ZNF407: variants seen among roughly 807,000 people sequenced by gnomAD.
The protein encoded by ZNF407 is zinc finger protein 407.
Under a neutral mutation model 131.2 loss-of-function variants are expected in ZNF407, and 17 were observed. The observed-to-expected ratio is 0.13, with a 90% CI of 0.09 to 0.19. The LOEUF (loss-of-function observed/expected upper bound fraction) is 0.19, where lower values mean the gene tolerates loss of function less well. Ranked by LOEUF, ZNF407 falls within the 10% of genes least tolerant of loss-of-function variation. ZNF407 has a pLI of 1.00. For synonymous variants in ZNF407, 1,156 were observed against 1,062.0 expected, an observed-to-expected ratio of 1.09 and a Z score of -1.72; for missense variants, 2,681 against 2,830.6, an observed-to-expected ratio of 0.95 and a Z score of 1.20.
chr18:74,674,964 CTT>C (rs1986297158), intron 3 of ZNF407, among the ~76,000 whole-genome samples: 1 of 152,168 alleles, frequency 6.6e-6, no homozygotes, highest in Non-Finnish European at 1.5e-5. Context: ...GGGCACCAGA[CTT>C]GTGCATTTTA....
chr18:74,658,772 G>A (rs1020738313), intron 3 of ZNF407, among the ~76,000 whole-genome samples: 24 of 152,026 alleles, frequency 1.6e-4, no homozygotes, highest in Non-Finnish European at 3.4e-4. Context: ...TTGATGTTAC[G>A]TGATTTTTTG....
At position 74,949,783 on chromosome 18, in the gene ZNF407, G is replaced by A. The variant is rs549674652; in HGVS notation, c.5428+29091G>A. 5.3e-5 allele frequency among the ~76,000 whole-genome samples: 8 copies of A among 152,260 alleles called. No individual in the cohort carries two copies. In the South Asian group the frequency reaches 1.2e-3, roughly 24 times the overall value. ...TGAATAGATGGCATGACTCTGCCGA[G>A]GTGCCACAGTCTCCAGACCTCTCTG... On this transcript the variant is annotated intron_variant, in intron 8 of 8. Coordinates refer to ENST00000299687, the MANE Select transcript of ZNF407 (RefSeq NM_017757.3).
At chr18:74,846,264 C>A (rs1166929088) in intron 4 of ZNF407, among the ~76,000 whole-genome samples, 2 of 152,048 alleles carry the variant, frequency 1.3e-5, no homozygotes, top group Non-Finnish European at 2.9e-5. Context: ...CTTAAAGTAG[C>A]ATCAGTTCAT....
At position 74,753,653 on chromosome 18, in the gene ZNF407, C is replaced by T. The variant is rs926399902; in HGVS notation, c.4803-27775C>T. Among the ~76,000 whole-genome samples, 20 of 152,232 alleles carry T rather than the reference C, an allele frequency of 1.3e-4. No individual in the cohort carries two copies. The East Asian group carries it at 2.1e-3, about 16-fold the overall frequency. On this transcript the variant is annotated intron_variant, in intron 3 of 8. Coordinates refer to ENST00000299687, the MANE Select transcript of ZNF407 (RefSeq NM_017757.3). ...TTGGTTCTGTTTATATGATGGATTA[C>T]GTTTATTGATTTGTGTATGTTGAAC...
chr18:74,926,959 C>A (rs1318844493), intron 8 of ZNF407, among the ~76,000 whole-genome samples: 1 of 152,210 alleles, frequency 6.6e-6, no homozygotes, highest in East Asian at 1.9e-4. Context: ...CATCCTCCTG[C>A]AAGAGGGTGA....
At chr18:74,733,914 C>T (rs1968349893) in intron 3 of ZNF407, among the ~76,000 whole-genome samples, 1 of 152,174 alleles carries the variant, frequency 6.6e-6, no homozygotes, top group South Asian at 2.1e-4. Context: ...AGTCAAGCAA[C>T]TGCTCGTTGC....
chr18:74,673,317 A>G (rs1986225648), intron 3 of ZNF407, among the ~76,000 whole-genome samples: 1 of 152,138 alleles, frequency 6.6e-6, no homozygotes, highest in Non-Finnish European at 1.5e-5. Flanking sequence ...GCGTCAACAG[A>G]GTTGGTTTCT....
chr18:75,048,222 A>G lies in ZNF407; in HGVS notation c.5429-14928A>G, dbSNP rs753161418. Among the ~76,000 whole-genome samples, 5 of 152,094 alleles carry G rather than the reference A, an allele frequency of 3.3e-5. No individual in the cohort carries two copies. Among genetic ancestry groups the G allele is most frequent in the African/African-American group, 1.2e-4 (5 of 41,416 alleles). ...ACAGACACCGCCCTTTTTGCTCTCA[A>G]TGGTATTCTGATTTCACTGATTAAT... is the stretch of plus-strand genomic sequence containing the variant. On this transcript the variant is annotated intron_variant, in intron 8 of 8. Transcript: ENST00000299687. This position sits in a 1 kb window ranked among gnomAD's most constrained non-coding sequence, Gnocchi z 4.1.
At chr18:74,753,039 C>G (rs960551120) in intron 3 of ZNF407, among the ~76,000 whole-genome samples, 8 of 152,136 alleles carry the variant, frequency 5.3e-5, no homozygotes, top group Admixed American at 1.3e-4. Flanking sequence ...TTTGTGTCCT[C>G]TTTTATTTCG....
chr18:75,040,632 G>A (rs1973361810), intron 8 of ZNF407, among the ~76,000 whole-genome samples: 1 of 152,192 alleles, frequency 6.6e-6, no homozygotes, highest in Admixed American at 6.5e-5. Flanking sequence ...AGCTGAGTGT[G>A]TGTATGTGAT....
At chr18:74,673,631 G>C (rs1986241184) in intron 3 of ZNF407, among the ~76,000 whole-genome samples, 1 of 152,184 alleles carries the variant, frequency 6.6e-6, no homozygotes, top group South Asian at 2.1e-4. Context: ...CCCACAGACT[G>C]TGCTTTTCAC....
At chr18:74,678,934 A>G (rs1313135752) in intron 3 of ZNF407, among the ~76,000 whole-genome samples, 4 of 152,112 alleles carry the variant, frequency 2.6e-5, no homozygotes, top group African/African-American at 9.7e-5. Context: ...TACTTAAACA[A>G]GTGCTGTTGG....
At chr18:74,691,785 T>C (rs1967229624) in intron 3 of ZNF407, among the ~76,000 whole-genome samples, 1 of 152,124 alleles carries the variant, frequency 6.6e-6, no homozygotes, top group South Asian at 2.1e-4. Context: ...TGAGGACCAG[T>C]ATAGACTGAA....
intron 3 of ZNF407, among the ~76,000 whole-genome samples, chr18:74,741,818 C>T (rs1015329247): frequency 2.0e-5 from 3 of 152,098 alleles, no homozygotes; most frequent in African/African-American, 7.2e-5. Flanking sequence ...TAAGAGCCTG[C>T]GAACCCCTTT....
At chr18:74,810,881 C>T (rs905079982) in intron 4 of ZNF407, among the ~76,000 whole-genome samples, 1 of 152,036 alleles carries the variant, frequency 6.6e-6, no homozygotes, top group African/African-American at 2.4e-5. Flanking sequence ...AACGTTAGAC[C>T]TAAAACCATA....
chr18:74,793,940 C>T (rs1428033709), intron 4 of ZNF407, among the ~76,000 whole-genome samples: 1 of 152,216 alleles, frequency 6.6e-6, no homozygotes, highest in Admixed American at 6.5e-5. Context: ...AGCTGACTTG[C>T]CCCTCACCTG....
At chr18:74,977,114 G>A (rs1001239596) in intron 8 of ZNF407, among the ~76,000 whole-genome samples, 1 of 152,186 alleles carries the variant, frequency 6.6e-6, no homozygotes, top group Non-Finnish European at 1.5e-5. Context: ...AATTTAACTT[G>A]TTTGCTTTCT....
At chr18:74,910,852 T>G (rs1484138631) in intron 7 of ZNF407, among the ~76,000 whole-genome samples, 1 of 152,104 alleles carries the variant, frequency 6.6e-6, no homozygotes, top group Non-Finnish European at 1.5e-5. Flanking sequence ...CGGGTGGGCT[T>G]TCCTGTGACA....
At chr18:74,763,195 C>CT (rs1568203707) in intron 3 of ZNF407, among the ~76,000 whole-genome samples, 61 of 5,864 alleles carry the variant, frequency 0.01, no homozygotes, top group Admixed American at 0.032. Flanking sequence ...CTTCTTAGGA[C>CT]CTTTTTTTTT....
Sources: gnomAD v4.1 joint callset for allele counts (sites outside exome capture counted in the v4.1 genomes callset) on GRCh38, gnomAD v4.1.1 for gene constraint, Gnocchi (gnomAD v3.1) non-coding constraint, MANE v1.5 for transcripts, NCBI Gene and HGNC (gene_info 2026-07-23, HGNC 2026-07-21) for gene names.